Variants in FKBP4 observed in about 807,000 individuals in gnomAD.
The protein encoded by FKBP4 is peptidyl-prolyl cis-trans isomerase FKBP4.
Under a neutral mutation model 54.1 loss-of-function variants are expected in FKBP4, and 28 were observed. That is an observed-to-expected ratio of 0.52 (90% CI 0.38 to 0.71). The LOEUF is 0.71. Ranked by LOEUF, FKBP4 falls within the 30% of genes least tolerant of loss-of-function variation. FKBP4 has a pLI of 0.00. For synonymous variants in FKBP4, 223 were observed against 216.1 expected (o/e 1.03, Z -0.28); for missense variants, 493 against 574.4 (o/e 0.86, Z 1.45).
Position 2,799,178 on chromosome 12 carries a change from A to G in FKBP4, c.605A>G (p.Tyr202Cys). The change falls in exon 5 of 10, where the codon TAT (tyrosine) becomes TGT (cysteine). Residue 202 changes from tyrosine to cysteine, a missense_variant. By Grantham distance (194) the Tyr-to-Cys change is radical (BLOSUM62 -2). Coordinates refer to ENST00000001008, the MANE Select transcript of FKBP4 (RefSeq NM_002014.4). ...IGEGENLDLP[Y>C]GLERAIQRME... is the part of the protein sequence containing the mutation. ...GAGGGGGAGAACCTGGATCTGCCTTATGGTCTGGAGAGGGCCATTCAGCGC... is the reference window on the plus strand; with the variant it reads ...GAGGGGGAGAACCTGGATCTGCCTTGTGGTCTGGAGAGGGCCATTCAGCGC... The G allele has an allele frequency of 1.9e-6, 3 of 1,595,510 alleles. No individual in the cohort carries two copies. The highest frequency in any genetic ancestry group is 8.5e-7 in the Non-Finnish European group (1 of 1,172,722).
chr12:2,795,172 C>T lies in FKBP4; in HGVS notation c.33C>T (p.Ser11=), dbSNP rs1268049390. ...CCGAGGAGATGAAGGCGACCGAGAG[C>T]GGGGCGCAGTCGGCGCCGCTGCCCA... MTAEEMKATE[S]GAQSAPLPME... Residue 11 remains serine (S), a synonymous_variant, in exon 1 of 10, where the codon AGC becomes AGT. Transcript: ENST00000001008. The surrounding 1 kb of genome is among the most constrained non-coding windows in gnomAD (Gnocchi z 4.3). 1 of 1,316,514 alleles carries T rather than the reference C, an allele frequency of 7.6e-7. No homozygotes were observed. Among genetic ancestry groups the T allele is most frequent in the Non-Finnish European group, 9.8e-7 (1 of 1,024,290 alleles). 81.6% of individuals were successfully genotyped at this position (1,316,514 alleles called of 1,614,324 possible).
At position 2,797,129 on chromosome 12, in the gene FKBP4, TCCTC is replaced by T; in HGVS notation, c.106-6_106-3del. The T allele has an allele frequency of 6.2e-7, 1 of 1,612,048 alleles. No homozygotes were observed. The stretch of plus-strand genomic sequence containing the variant: ...CCTGGGGTACTCACTTTCTCCCCCT[TCCTC>T]CCAGGTCATCAAGAGAGAGGGCACA... On this transcript the variant is annotated splice_region_variant and splice_polypyrimidine_tract_variant and intron_variant, in intron 1 of 9. Coordinates refer to ENST00000001008, the MANE Select transcript of FKBP4 (RefSeq NM_002014.4).
chr12:2,799,064 T>TA, intron 4 of FKBP4, 24 bp from the exon 5 acceptor site: 5 of 1,524,164 alleles, frequency 3.3e-6, no homozygotes, highest in Non-Finnish European at 4.4e-6. Flanking sequence ...ACAACTCTGG[T>TA]ACACTGCCTC....
rs191293085 is a variant in FKBP4 at position 2,798,748 on chromosome 12, G to A, written c.436G>A (p.Glu146Lys). ...TAAGGGAGAAGATCTGACGGAAGAG[G>A]AAGATGGCGGAATCATTCGCAGAAT... ...EFKGEDLTEE[E>K]DGGIIRRIQT... is the part of the protein sequence containing the mutation. The change falls in exon 4 of 10, where the codon GAA becomes AAA. Residue 146 changes from glutamate to lysine, a missense_variant. Physicochemically the swap from Glu to Lys is moderately conservative, Grantham distance 56. Transcript: ENST00000001008. The surrounding 1 kb of genome is among the most constrained non-coding windows in gnomAD (Gnocchi z 4.3). 118 of 1,614,164 alleles carry A rather than the reference G, an allele frequency of 7.3e-5. No individual in the cohort carries two copies. The highest frequency in any genetic ancestry group is 5.3e-4 in the Admixed American group (32 of 60,026).
At chr12:2,801,704 G>C in intron 9 of FKBP4, 1 of 450,676 alleles carries the variant, frequency 2.2e-6, no homozygotes, top group South Asian at 1.6e-5. Flanking sequence ...CAGTGACTTA[G>C]GATGGCACCA....
Position 2,794,986 on chromosome 12 carries a change from C to G in FKBP4, c.-154C>G, listed in dbSNP as rs1420658841. Reference sequence around the variant, plus strand: ...CCTGACCCACCTACCCCAGCTCTCGCGCCGCGTGCAGAGGTGCTCAAGCCT... The same window carrying G: ...CCTGACCCACCTACCCCAGCTCTCGGGCCGCGTGCAGAGGTGCTCAAGCCT... On this transcript the variant is annotated 5_prime_UTR_variant, in exon 1 of 10. Coordinates refer to ENST00000001008, the MANE Select transcript of FKBP4 (RefSeq NM_002014.4). 8.6e-6 allele frequency: 3 copies of G among 347,706 alleles called. No individual in the cohort carries two copies. The highest frequency in any genetic ancestry group is 4.3e-5 in the African/African-American group (2 of 46,430). The allele number at this position is 347,706 out of a possible 1,614,324, so 21.5% of individuals were successfully genotyped here.
At chr12:2,800,340 G>GC in intron 7 of FKBP4, 52 bp from the exon 8 acceptor site, 1 of 1,560,218 alleles carries the variant, frequency 6.4e-7, no homozygotes, top group African/African-American at 1.4e-5. Context: ...GGGTATAAGA[G>GC]CCTAGTACCA....
chr12:2,798,579 C>T lies in FKBP4; in HGVS notation c.394-127C>T. 10 of 1,520,008 alleles carry T rather than the reference C, an allele frequency of 6.6e-6. No individual in the cohort carries two copies. The allele number at this position is 1,520,008 out of a possible 1,614,324, so 94.2% of individuals were successfully genotyped here. ...AAAAAAAGTGCCACTCTACCCAACT[C>T]CTTGTGACTGCCCTTGTGGTCAGAT... is the stretch of plus-strand genomic sequence containing the variant. On this transcript the variant is annotated intron_variant, in intron 3 of 9. Coordinates refer to ENST00000001008, the MANE Select transcript of FKBP4 (RefSeq NM_002014.4). The surrounding 1 kb of genome is among the most constrained non-coding windows in gnomAD (Gnocchi z 4.3).
At chr12:2,801,427 GC>G (rs2097904712) in intron 9 of FKBP4, 71 bp downstream of exon 9, 9 of 1,596,666 alleles carry the variant, frequency 5.6e-6, no homozygotes, top group Non-Finnish European at 7.7e-6. Context: ...GGCTCTTTGT[GC>G]CTTTGGTTGT....
rs553184345 is a variant in FKBP4, at chr12:2,798,131, G to A, written c.393+260G>A. ...GTTAAGGCATCTTTATCTCCAGAGC[G>A]GTACCCAGAAGAATACTGAAAGGAG... On this transcript the variant is annotated intron_variant, in intron 3 of 9. Transcript: ENST00000001008. The surrounding 1 kb of genome is among the most constrained non-coding windows in gnomAD (Gnocchi z 4.3). 3.4e-4 allele frequency among the ~76,000 whole-genome samples: 52 copies of A among 152,310 alleles called. No homozygotes were observed. In the South Asian group the frequency reaches 8.9e-3, roughly 26 times the overall value.
Position 2,796,849 on chromosome 12 carries a change from TAA to T in FKBP4, c.106-287_106-286del, listed in dbSNP as rs575229241. On this transcript the variant is annotated intron_variant, in intron 1 of 9. Transcript: ENST00000001008. ...GGGATTATCATCACTGCTTTACAAA[TAA>T]AGTGTGGAGAATTTTAAAAACTTAC... The T allele has an allele frequency of 1.9e-4, 233 of 1,204,680 alleles. 3 individuals are homozygous for T. The East Asian group carries it at 8.8e-3, about 45-fold the overall frequency. 74.6% of individuals were successfully genotyped at this position (1,204,680 alleles called of 1,614,324 possible).
chr12:2,801,211 T>C lies in FKBP4; in HGVS notation c.1127T>C (p.Phe376Ser), dbSNP rs1359417871. 6.2e-7 allele frequency: 1 copy of C among 1,613,200 alleles called. No individual in the cohort carries two copies. The change falls in exon 9 of 10, where the codon TTC becomes TCC. Residue 376 changes from phenylalanine to serine, a missense_variant. Phe to Ser is a radical substitution (Grantham distance 155). Transcript: ENST00000001008. ...GACTTTGAACTGGCACGGGCTGATTTCCAGAAGGTCCTGCAGCTCTACCCC... is the reference window on the plus strand; with the variant it reads ...GACTTTGAACTGGCACGGGCTGATTCCCAGAAGGTCCTGCAGCTCTACCCC... Reference protein sequence around the residue: ...VNDFELARADFQKVLQLYPNN... With the variant: ...VNDFELARADSQKVLQLYPNN...
chr12:2,799,709 G>A, intron 5 of FKBP4, 141 bp from the exon 6 acceptor site: 1 of 709,396 alleles, frequency 1.4e-6, no homozygotes, highest in Non-Finnish European at 2.5e-6. Flanking sequence ...AGTGTGAAGA[G>A]GCCAGGGAAG....
Position 2,800,426 on chromosome 12 carries a change from A to G in FKBP4, c.881A>G (p.Lys294Arg). The change falls in exon 8 of 10, where the codon AAG (lysine) becomes AGG (arginine). Residue 294 changes from lysine (K) to arginine (R), a missense_variant. Physicochemically the swap from Lys to Arg is conservative, Grantham distance 26. Transcript: ENST00000001008. ...GKYKQALLQY[K>R]KIVSWLEYES... ...TACAAGCAAGCTTTACTACAGTATA[A>G]GAAGATCGTGTCTTGGCTGGAATAT... is the stretch of plus-strand genomic sequence containing the variant. 1 of 1,613,908 alleles carries G rather than the reference A, an allele frequency of 6.2e-7. No individual in the cohort carries two copies. Among genetic ancestry groups the G allele is most frequent in the East Asian group, 2.2e-5 (1 of 44,888 alleles).
rs2097903971 is a variant in FKBP4, at chr12:2,800,198, G to A, written c.846+76G>A. 5 of 1,527,532 alleles carry A rather than the reference G, an allele frequency of 3.3e-6. No homozygotes were observed. In the Admixed American group the frequency reaches 5.2e-5, roughly 16 times the overall value. 94.6% of individuals were successfully genotyped at this position (1,527,532 alleles called of 1,614,324 possible). A position where few individuals can be genotyped will look rare whatever the true frequency, so the allele number is the denominator to read the frequency against. On this transcript the variant is annotated intron_variant, in intron 7 of 9. Transcript: ENST00000001008. ...AGCCTCCCCTTCCCTTGGTGACTGA[G>A]ATCATTTTCTGCCAAGAAGTGGACA...
At position 2,797,286 on chromosome 12, in the gene FKBP4, G is replaced by C. The variant is rs1432585376; in HGVS notation, c.250+4G>C. The C allele has an allele frequency of 1.9e-6, 3 of 1,613,944 alleles. No homozygotes were observed. The highest frequency in any genetic ancestry group is 2.5e-6 in the Non-Finnish European group (3 of 1,179,860). The stretch of plus-strand genomic sequence containing the variant: ...TTCTCCTTTGACCTGGGAAAAGGTA[G>C]GCGTGGTCAGTGGGCTGGTAGGATA... On this transcript the variant is annotated splice_donor_region_variant and intron_variant, in intron 2 of 9. Coordinates refer to ENST00000001008, the MANE Select transcript of FKBP4 (RefSeq NM_002014.4).
In FKBP4 at chr12:2,798,897, A is replaced by G. The variant is rs2097903304; in HGVS notation, c.514+71A>G. 1.3e-6 allele frequency: 2 copies of G among 1,541,768 alleles called. No individual in the cohort carries two copies. Among genetic ancestry groups the G allele is most frequent in the South Asian group, 1.1e-5 (1 of 88,798 alleles). On this transcript the variant is annotated intron_variant, in intron 4 of 9. Coordinates refer to ENST00000001008, the MANE Select transcript of FKBP4 (RefSeq NM_002014.4). The surrounding 1 kb of genome is among the most constrained non-coding windows in gnomAD (Gnocchi z 4.3). The stretch of plus-strand genomic sequence containing the variant: ...GGCCTTGTGTGGCTTTGGGCAAGAC[A>G]CTTCCGTTCTCCGAGCCTATCTTCT...
chr12:2,795,249 G>A lies in FKBP4; in HGVS notation c.105+5G>A. 1 of 1,311,744 alleles carries A rather than the reference G, an allele frequency of 7.6e-7. No homozygotes were observed. The highest frequency in any genetic ancestry group is 9.8e-7 in the Non-Finnish European group (1 of 1,020,934). 81.3% of individuals were successfully genotyped at this position (1,311,744 alleles called of 1,614,324 possible). A position where few individuals can be genotyped will look rare whatever the true frequency, so the allele number is the denominator to read the frequency against. On this transcript the variant is annotated splice_donor_5th_base_variant and intron_variant, in intron 1 of 9. Transcript: ENST00000001008. This position sits in a 1 kb window ranked among gnomAD's most constrained non-coding sequence, Gnocchi z 4.3. Reference sequence around the variant, plus strand: ...CAGGACGAAGGCGTGCTGAAGGTGAGGGGCGGCGGGGCCTGCGGAGGCGTC... The same window carrying A: ...CAGGACGAAGGCGTGCTGAAGGTGAAGGGCGGCGGGGCCTGCGGAGGCGTC...
intron 1 of FKBP4, chr12:2,796,013 G>A (rs2097901614): frequency 1.7e-6 from 2 of 1,154,914 alleles, no homozygotes; most frequent in Non-Finnish European, 2.2e-6. Flanking sequence ...CTGCCGCCGA[G>A]TGACCGCTCG....
Sources: allele counts gnomAD v4.1 joint callset (sites outside exome capture counted in the v4.1 genomes callset), GRCh38; gene constraint gnomAD v4.1.1; non-coding constraint Gnocchi (gnomAD v3.1); transcripts MANE v1.5; gene names NCBI Gene and HGNC (gene_info 2026-07-23, HGNC 2026-07-21).